The following RPL19 variants were observed in gnomAD, a reference collection of about 807,000 sequenced individuals.
RPL19 encodes large ribosomal subunit protein eL19.
A neutral mutation model predicts 25.1 loss-of-function variants in RPL19; 2 were observed. That is an observed-to-expected ratio of 0.08 (90% CI 0.03 to 0.25). The LOEUF is 0.25. Ranked by LOEUF, RPL19 falls within the 10% of genes least tolerant of loss-of-function variation. The probability of loss-of-function intolerance (pLI) is 1.00; values close to 1 mark genes in which losing one functional copy is unlikely to be tolerated. For missense variants in RPL19, 123 were observed against 271.8 expected (o/e 0.45, Z 3.85); for synonymous variants, 89 against 91.2 (o/e 0.98, Z 0.14).
At chr17:39,203,174 A>AT (rs59332263) in intron 4 of RPL19, 65 bp downstream of exon 4, 27,421 of 586,740 alleles carry the variant, frequency 0.047, 173 homozygotes, top group East Asian at 0.077. Context: ...TTTCCCAGAG[A>AT]TTTTTTTTTT....
At position 39,202,983 on chromosome 17, in the gene RPL19, C is replaced by G; in HGVS notation, c.236-6C>G. On this transcript the variant is annotated splice_polypyrimidine_tract_variant and splice_region_variant and intron_variant, in intron 3 of 5. Coordinates refer to ENST00000225430, the MANE Select transcript of RPL19 (RefSeq NM_000981.4). ...GTGGCCCGTTCCTAACTCATCTTCT[C>G]CACAGGTAAGCGGAAGGGTACAGCC... is the stretch of plus-strand genomic sequence containing the variant. 6.2e-7 allele frequency: 1 copy of G among 1,613,800 alleles called. No individual in the cohort carries two copies. The highest frequency in any genetic ancestry group is 8.5e-7 in the Non-Finnish European group (1 of 1,179,872).
rs764271609 is a variant in RPL19, at chr17:39,200,485, C to T, written c.5+136C>T. The T allele has an allele frequency of 8.8e-5, 114 of 1,294,074 alleles. No homozygotes were observed. The Middle Eastern group carries it at 1.2e-3, about 14-fold the overall frequency. 80.2% of individuals were successfully genotyped at this position (1,294,074 alleles called of 1,614,324 possible). A position where few individuals can be genotyped will look rare whatever the true frequency, so the allele number is the denominator to read the frequency against. On this transcript the variant is annotated intron_variant, in intron 1 of 5. Coordinates refer to ENST00000225430, the MANE Select transcript of RPL19 (RefSeq NM_000981.4). ...GCCGGTCCCGGGGTTTGGGGTAGGC[C>T]GGAGCACTTTCGTCCCGGGCCTCCG... is the stretch of plus-strand genomic sequence containing the variant.
intron 4 of RPL19, 116 bp from the exon 5 acceptor site, chr17:39,203,949 TAATTCATGCAGC>T (rs1402051114): frequency 4.9e-6 from 3 of 616,538 alleles, no homozygotes; most frequent in Non-Finnish European, 8.8e-6. Flanking sequence ...GTTTAGGAAG[TAATTCATGCAGC>T]AATAGGAGAA....
In RPL19 at chr17:39,203,044, G is replaced by A; in HGVS notation, c.291G>A (p.Arg97=). The change falls in exon 4 of 6, where the codon AGG becomes AGA. Residue 97 remains arginine, a synonymous_variant. Coordinates refer to ENST00000225430, the MANE Select transcript of RPL19 (RefSeq NM_000981.4). ...TGCCAGAGAAGGTCACATGGATGAG[G>A]AGAATGAGGATTTTGCGCCGGCTGC... ...ARMPEKVTWM[R]RMRILRRLLR... The A allele has an allele frequency of 6.2e-7, 1 of 1,614,088 alleles. No homozygotes were observed.
In RPL19 at chr17:39,200,326, C is replaced by A. The variant is rs754454073; in HGVS notation, c.-19C>A. 6 of 1,554,160 alleles carry A rather than the reference C, an allele frequency of 3.9e-6. No individual in the cohort carries two copies. In the Admixed American group the frequency reaches 6.1e-5, roughly 16 times the overall value. ...CGGGCCCGAGCGAGCTCTTTCCTTT[C>A]GCTGCTGCGGCCGCAGCCATGAGGT... On this transcript the variant is annotated 5_prime_UTR_variant, in exon 1 of 6. Coordinates refer to ENST00000225430, the MANE Select transcript of RPL19 (RefSeq NM_000981.4).
Position 39,203,082 on chromosome 17 carries a change from G to T in RPL19, c.329G>T (p.Arg110Leu). ...TTGCGCCGGCTGCTCAGAAGATACC[G>T]TGAATCTAAGAAGATCGATCGCCAC... ...RILRRLLRRYRESKKIDRHMY... is the reference protein window; with the variant it reads ...RILRRLLRRYLESKKIDRHMY... Residue 110 changes from arginine (R) to leucine (L), a missense_variant, in exon 4 of 6, where the codon CGT (arginine) becomes CTT (leucine). Transcript: ENST00000225430. 6.2e-7 allele frequency: 1 copy of T among 1,613,074 alleles called. No homozygotes were observed. The highest frequency in any genetic ancestry group is 8.5e-7 in the Non-Finnish European group (1 of 1,179,638).
At chr17:39,202,266 G>C in intron 2 of RPL19, 51 bp from the exon 3 acceptor site, 1 of 1,610,852 alleles carries the variant, frequency 6.2e-7, no homozygotes, top group Non-Finnish European at 8.5e-7. Context: ...TTTGGACTCT[G>C]TGATGTGCTT....
intron 1 of RPL19, 137 bp from the exon 2 acceptor site, chr17:39,201,076 A>T: frequency 1.5e-6 from 1 of 681,440 alleles, no homozygotes; most frequent in Non-Finnish European, 2.6e-6. Flanking sequence ...TGCATAGCCC[A>T]GAGCCTTAAA....
intron 1 of RPL19, 35 bp downstream of exon 1, chr17:39,200,384 C>G: frequency 6.6e-7 from 1 of 1,514,576 alleles, no homozygotes; most frequent in Non-Finnish European, 8.9e-7. Context: ...GGCGCTGACG[C>G]GTGTCGACAA....
Position 39,200,315 on chromosome 17 carries a change from C to A in RPL19, c.-30C>A. Reference sequence around the variant, plus strand: ...ATGGGAGGAGCCGGGCCCGAGCGAGCTCTTTCCTTTCGCTGCTGCGGCCGC... The same window carrying A: ...ATGGGAGGAGCCGGGCCCGAGCGAGATCTTTCCTTTCGCTGCTGCGGCCGC... On this transcript the variant is annotated 5_prime_UTR_variant, in exon 1 of 6. Coordinates refer to ENST00000225430, the MANE Select transcript of RPL19 (RefSeq NM_000981.4). 1.3e-6 allele frequency: 2 copies of A among 1,545,840 alleles called. No homozygotes were observed. The highest frequency in any genetic ancestry group is 1.4e-5 in the African/African-American group (1 of 73,030).
At chr17:39,200,825 A>C in intron 1 of RPL19, 1 of 951,878 alleles carries the variant, frequency 1.1e-6, no homozygotes. Context: ...GAGGCTTGTT[A>C]CTGTGATAAA....
At chr17:39,202,502 C>T (rs1306251168) in intron 3 of RPL19, 63 bp downstream of exon 3, 14 of 1,588,236 alleles carry the variant, frequency 8.8e-6, no homozygotes, top group African/African-American at 4.0e-5. Flanking sequence ...GAAATATATT[C>T]AGGATCTAAG....
chr17:39,202,249 T>C, intron 2 of RPL19, 68 bp from the exon 3 acceptor site: 1 of 1,596,570 alleles, frequency 6.3e-7, no homozygotes, highest in Non-Finnish European at 8.6e-7. Flanking sequence ...GTCTCTGGCC[T>C]GGCCTATTTG....
rs1597726990 is a variant in RPL19 at position 39,204,579 on chromosome 17, A to G, written c.522A>G (p.Glu174=). 1 of 1,614,210 alleles carries G rather than the reference A, an allele frequency of 6.2e-7. No individual in the cohort carries two copies. Among genetic ancestry groups the G allele is most frequent in the South Asian group, 1.1e-5 (1 of 91,088 alleles). Reference sequence around the variant, plus strand: ...CCAAGGAAGCACGCAAGCGCCGTGAAGAGCGCCTCCAGGCCAAGAAGGAGG... The same window carrying G: ...CCAAGGAAGCACGCAAGCGCCGTGAGGAGCGCCTCCAGGCCAAGAAGGAGG... ...SKTKEARKRR[E]ERLQAKKEEI... Residue 174 remains glutamate, a synonymous_variant, in exon 6 of 6, where the codon GAA becomes GAG. Transcript: ENST00000225430.
rs575174452 is a variant in RPL19, at chr17:39,202,744, T to G, written c.236-245T>G. On this transcript the variant is annotated intron_variant, in intron 3 of 5. Coordinates refer to ENST00000225430, the MANE Select transcript of RPL19 (RefSeq NM_000981.4). ...TGTGTTGCCTTGGTGCACTGCCTGT[T>G]ACACCCACATTCTGCATGAAGTGAA... 1.6e-5 allele frequency: 7 copies of G among 439,718 alleles called. No individual in the cohort carries two copies. In the East Asian group the frequency reaches 2.7e-4, roughly 17 times the overall value. 27.2% of individuals were successfully genotyped at this position (439,718 alleles called of 1,614,324 possible). A position where few individuals can be genotyped will look rare whatever the true frequency, so the allele number is the denominator to read the frequency against.
At position 39,200,357 on chromosome 17, in the gene RPL19, C is replaced by T. The variant is rs142303059; in HGVS notation, c.5+8C>T. 1.9e-6 allele frequency: 3 copies of T among 1,567,094 alleles called. No homozygotes were observed. Among genetic ancestry groups the T allele is most frequent in the African/African-American group, 1.4e-5 (1 of 73,490 alleles). ...TGCGGCCGCAGCCATGAGGTGAGGG[C>T]GAGCTGGTCTCCATCAGGCGCTGAC... On this transcript the variant is annotated splice_region_variant and intron_variant, in intron 1 of 5. Coordinates refer to ENST00000225430, the MANE Select transcript of RPL19 (RefSeq NM_000981.4).
In RPL19 at chr17:39,202,513, C is replaced by T; in HGVS notation, c.235+74C>T. On this transcript the variant is annotated intron_variant, in intron 3 of 5. Transcript: ENST00000225430. ...TGCTGAAATATATTCAGGATCTAAGCACTCTGTCTCATCTTGAGCCTGTTT... is the reference window on the plus strand; with the variant it reads ...TGCTGAAATATATTCAGGATCTAAGTACTCTGTCTCATCTTGAGCCTGTTT... The T allele has an allele frequency of 1.9e-6, 3 of 1,545,002 alleles. No homozygotes were observed. In the South Asian group the frequency reaches 3.4e-5, roughly 17 times the overall value.
intron 4 of RPL19, among the ~76,000 whole-genome samples, chr17:39,203,401 T>C (rs1210640753): frequency 6.6e-6 from 1 of 151,990 alleles, no homozygotes; most frequent in Non-Finnish European, 1.5e-5. Context: ...CAGGATGGTC[T>C]CGATCTCCTG....
At chr17:39,203,322 C>T (rs564929121) in intron 4 of RPL19, among the ~76,000 whole-genome samples, 6 of 151,682 alleles carry the variant, frequency 4.0e-5, no homozygotes, top group East Asian at 1.9e-4. Context: ...GCTGGGACTA[C>T]AGGCATGTGC....
Sources: gnomAD v4.1 joint callset for allele counts (sites outside exome capture counted in the v4.1 genomes callset) on GRCh38, gnomAD v4.1.1 for gene constraint, MANE v1.5 for transcripts, NCBI Gene and HGNC (gene_info 2026-07-23, HGNC 2026-07-21) for gene names.